The following RECK variants were observed in gnomAD, a reference collection of about 807,000 sequenced individuals.
RECK encodes the protein reversion-inducing cysteine-rich protein with Kazal motifs.
In RECK, 69 loss-of-function variants were observed where a neutral mutation model predicts 115.1. That is an observed-to-expected ratio of 0.60 (90% CI 0.49 to 0.73). The LOEUF (loss-of-function observed/expected upper bound fraction) is 0.73. Among genes scored for constraint, RECK ranks in the 30% least tolerant of loss-of-function variants. The pLI is 0.00. For synonymous variants in RECK, 414 were observed against 419.7 expected, an observed-to-expected ratio of 0.99 and a Z score of 0.17; for missense variants, 1,047 against 1,203.7, an observed-to-expected ratio of 0.87 and a Z score of 1.93.
intron 1 of RECK, among the ~76,000 whole-genome samples, chr9:36,039,010 T>TA (rs754031442): frequency 6.6e-6 from 1 of 152,214 alleles, no homozygotes; most frequent in Non-Finnish European, 1.5e-5. Flanking sequence ...TGTAGCTCAA[T>TA]AAAGTTGTTA....
At chr9:36,061,717 G>T (rs1223872206) in intron 4 of RECK, among the ~76,000 whole-genome samples, 1 of 152,154 alleles carries the variant, frequency 6.6e-6, no homozygotes, top group Non-Finnish European at 1.5e-5. Context: ...ATAGCAAGCA[G>T]CAAAGATTTA....
rs1034697394 is a variant in RECK at position 36,087,746 on chromosome 9, G to A, written c.690G>A (p.Lys230=). The change falls in exon 9 of 21, where the codon AAG becomes AAA. Residue 230 remains lysine (K), a synonymous_variant. Transcript: ENST00000377966. Reference sequence around the variant, plus strand: ...ACCATGCTTGCCAAAATGCCTGCAAGAGAATCCTGATGTCCAAGAAAACGG... The same window carrying A: ...ACCATGCTTGCCAAAATGCCTGCAAAAGAATCCTGATGTCCAAGAAAACGG... The part of the protein sequence containing the change: ...AEDHACQNAC[K]RILMSKKTEM... 7.4e-6 allele frequency: 12 copies of A among 1,613,888 alleles called. No individual in the cohort carries two copies. The highest frequency in any genetic ancestry group is 8.5e-6 in the Non-Finnish European group (10 of 1,179,928).
At chr9:36,104,261 A>G (rs936421224) in intron 12 of RECK, among the ~76,000 whole-genome samples, 1 of 139,968 alleles carries the variant, frequency 7.1e-6, no homozygotes, top group Non-Finnish European at 1.5e-5. Context: ...ATAGATACAC[A>G]TATACATACA....
In RECK at chr9:36,091,196, G is replaced by A. The variant is rs1293522009; in HGVS notation, c.938G>A (p.Trp313Ter). ...TGCACTAAACTTTACAGCATGAGCT[G>A]GGGCAATACACAGAGTTGGCAAGAG... ...ELCTKLYSMS[W>*]GNTQSWQEFD... Residue 313 changes from tryptophan (W) to a stop codon, truncating the protein, a stop_gained, in exon 10 of 21, where the codon TGG (tryptophan) becomes TAG (stop). Coordinates refer to ENST00000377966, the MANE Select transcript of RECK (RefSeq NM_021111.3). LOFTEE classifies it high-confidence loss of function. The A allele has an allele frequency of 3.1e-6, 5 of 1,614,058 alleles. No individual in the cohort carries two copies. Among genetic ancestry groups the A allele is most frequent in the Non-Finnish European group, 4.2e-6 (5 of 1,179,954 alleles).
chr9:36,084,689 G>A (rs1280966063), intron 8 of RECK, among the ~76,000 whole-genome samples: 4 of 146,318 alleles, frequency 2.7e-5, no homozygotes, highest in East Asian at 2.2e-4. Flanking sequence ...ACCAGACATC[G>A]TCAGGAAGGA....
At chr9:36,046,069 T>C (rs889939677) in intron 1 of RECK, among the ~76,000 whole-genome samples, 5 of 152,266 alleles carry the variant, frequency 3.3e-5, no homozygotes, top group African/African-American at 1.2e-4. Context: ...ATTTTCATCA[T>C]AGCAGTGTCA....
chr9:36,076,857 A>G (rs1453842856), intron 6 of RECK, among the ~76,000 whole-genome samples: 1 of 152,202 alleles, frequency 6.6e-6, no homozygotes, highest in Non-Finnish European at 1.5e-5. Context: ...CAAACATTCA[A>G]CCTTGCATTG....
intron 1 of RECK, among the ~76,000 whole-genome samples, chr9:36,037,509 C>G (rs1303279011): frequency 2.0e-5 from 3 of 151,848 alleles, no homozygotes; most frequent in Non-Finnish European, 4.4e-5. Context: ...TTACTTGACC[C>G]GCACTTGGTT....
At chr9:36,070,712 G>C (rs1013098459) in intron 6 of RECK, among the ~76,000 whole-genome samples, 51 of 152,284 alleles carry the variant, frequency 3.3e-4, no homozygotes, top group African/African-American at 1.1e-3. Flanking sequence ...GAGATTTGAT[G>C]ATCTCTCTTC....
intron 15 of RECK, among the ~76,000 whole-genome samples, chr9:36,110,969 T>A (rs1439270109): frequency 6.6e-6 from 1 of 152,244 alleles, no homozygotes; most frequent in Non-Finnish European, 1.5e-5. Context: ...TGCTTTATTA[T>A]CATCATCCTT....
rs1166101085 is a variant in RECK at position 36,036,917 on chromosome 9, G to GAGCGGCGGCGGT, written c.-72_-61dup. On this transcript the variant is annotated 5_prime_UTR_variant, in exon 1 of 21. Coordinates refer to ENST00000377966, the MANE Select transcript of RECK (RefSeq NM_021111.3). ...GGGCGCTGGGGGCGGGGCCTCGCGC[G>GAGCGGCGGCGGT]AGCGGCGGCGGTAGCGGCGGCAGCG... is the stretch of plus-strand genomic sequence containing the variant. 4 of 909,922 alleles carry GAGCGGCGGCGGT rather than the reference G, an allele frequency of 4.4e-6. No individual in the cohort carries two copies. Among genetic ancestry groups the GAGCGGCGGCGGT allele is most frequent in the Admixed American group, 4.5e-5 (1 of 22,390 alleles). The allele number at this position is 909,922 out of a possible 1,614,324, so 56.4% of individuals were successfully genotyped here.
intron 10 of RECK, among the ~76,000 whole-genome samples, chr9:36,098,368 C>G (rs554651053): frequency 1.3e-5 from 2 of 152,116 alleles, no homozygotes; most frequent in East Asian, 3.9e-4. Context: ...AAAGAAATAG[C>G]CATCTAGTTC....
At chr9:36,104,326 A>ATATT (rs1267835561) in intron 12 of RECK, among the ~76,000 whole-genome samples, 3 of 27,516 alleles carry the variant, frequency 1.1e-4, no homozygotes, top group Non-Finnish European at 1.7e-4. Flanking sequence ...ATATATATAT[A>ATATT]TTTTTTTTTT....
chr9:36,105,247 T>A lies in RECK; in HGVS notation c.1540T>A (p.Ser514Thr). ...TGAAGTAAACCGAAAAGGATGTCCATCTGGAGATCCCTGTCTTCCATACTT... is the reference window on the plus strand; with the variant it reads ...TGAAGTAAACCGAAAAGGATGTCCAACTGGAGATCCCTGTCTTCCATACTT... ...LCEVNRKGCP[S>T]GDPCLPYFCV... Residue 514 changes from serine (S) to threonine (T), a missense_variant, in exon 13 of 21, where the codon TCT (serine) becomes ACT (threonine). Physicochemically the swap from Ser to Thr is moderately conservative, Grantham distance 58. Transcript: ENST00000377966. 1 of 1,614,090 alleles carries A rather than the reference T, an allele frequency of 6.2e-7. No homozygotes were observed. Among genetic ancestry groups the A allele is most frequent in the Non-Finnish European group, 8.5e-7 (1 of 1,179,940 alleles).
intron 6 of RECK, among the ~76,000 whole-genome samples, chr9:36,075,845 G>A (rs1588299556): frequency 6.6e-6 from 1 of 152,272 alleles, no homozygotes; most frequent in South Asian, 2.1e-4. Flanking sequence ...TTAATAAAAT[G>A]TGCTCTTTTG....
At chr9:36,098,771 A>G (rs1823457435) in intron 10 of RECK, among the ~76,000 whole-genome samples, 1 of 152,216 alleles carries the variant, frequency 6.6e-6, no homozygotes, top group African/African-American at 2.4e-5. Context: ...CAATGGATGA[A>G]TCTTACATTG....
At chr9:36,083,731 G>A (rs1177755439) in intron 8 of RECK, among the ~76,000 whole-genome samples, 169 bp downstream of exon 8, 1 of 152,122 alleles carries the variant, frequency 6.6e-6, no homozygotes. Context: ...GCCAAAAGGG[G>A]CCAAGAAAGA....
chr9:36,120,930 G>A (rs1407242537), intron 19 of RECK, among the ~76,000 whole-genome samples, 194 bp downstream of exon 19: 2 of 152,196 alleles, frequency 1.3e-5, no homozygotes, highest in Non-Finnish European at 2.9e-5. Context: ...CCAAGCCCAT[G>A]TTCCTCCCCC....
chr9:36,097,696 G>T (rs1823407193), intron 10 of RECK, among the ~76,000 whole-genome samples: 1 of 152,110 alleles, frequency 6.6e-6, no homozygotes, highest in Non-Finnish European at 1.5e-5. Flanking sequence ...CTAAAGGAAA[G>T]GAAATCAGCG....
Sources: gnomAD v4.1 joint callset for allele counts (sites outside exome capture counted in the v4.1 genomes callset) on GRCh38, gnomAD v4.1.1 for gene constraint, MANE v1.5 for transcripts, NCBI Gene and HGNC (gene_info 2026-07-23, HGNC 2026-07-21) for gene names.